The following ATE1 variants were observed in gnomAD, a reference collection of about 807,000 sequenced individuals.
The protein encoded by ATE1 is arginyltransferase 1.
Under a neutral mutation model 70.5 loss-of-function variants are expected in ATE1, and 36 were observed. That is an observed-to-expected ratio of 0.51 (90% CI 0.39 to 0.67). The LOEUF is 0.67. ATE1 is among the 30% of genes least tolerant of loss of function. The pLI is 0.00. For missense variants in ATE1, 593 were observed against 629.5 expected (o/e 0.94, Z 0.62); for synonymous variants, 232 against 219.3 (o/e 1.06, Z -0.51).
intron 11 of ATE1, among the ~76,000 whole-genome samples, chr10:121,774,909 T>C (rs1228004732): frequency 1.3e-5 from 2 of 152,306 alleles, no homozygotes; most frequent in South Asian, 2.1e-4. Flanking sequence ...AAATGCATCT[T>C]TGACTATATT....
At chr10:121,900,155 A>G (rs891624004) in intron 6 of ATE1, among the ~76,000 whole-genome samples, 161 bp from the exon 7 acceptor site, 1 of 152,228 alleles carries the variant, frequency 6.6e-6, no homozygotes, top group African/African-American at 2.4e-5. Flanking sequence ...TAAATAAAGA[A>G]AAAAGTTATT....
chr10:121,812,529 T>TC (rs1947367070), intron 10 of ATE1, among the ~76,000 whole-genome samples: 1 of 152,116 alleles, frequency 6.6e-6, no homozygotes. Context: ...TAAAAACTCT[T>TC]CCTCCCTCGA....
chr10:121,796,254 T>C (rs2133332972), intron 10 of ATE1, among the ~76,000 whole-genome samples: 1 of 152,266 alleles, frequency 6.6e-6, no homozygotes, highest in Admixed American at 6.5e-5. Context: ...CCACAGAGGA[T>C]AACATAGTTC....
chr10:121,868,854 T>G (rs1949752481), intron 8 of ATE1, among the ~76,000 whole-genome samples: 1 of 152,168 alleles, frequency 6.6e-6, no homozygotes, highest in Non-Finnish European at 1.5e-5. Context: ...TACCACACGT[T>G]TTCAATGCGC....
intron 7 of ATE1, among the ~76,000 whole-genome samples, chr10:121,897,408 T>G (rs1564939578): frequency 6.6e-6 from 1 of 152,178 alleles, no homozygotes; most frequent in Non-Finnish European, 1.5e-5. Context: ...GGAAGCTTCC[T>G]AGGCCTAGCA....
intron 5 of ATE1, among the ~76,000 whole-genome samples, chr10:121,904,772 G>C (rs1464112914): frequency 6.6e-6 from 1 of 151,634 alleles, no homozygotes; most frequent in African/African-American, 2.4e-5. Flanking sequence ...ACCTAGAGTG[G>C]TTAAAGGGCT....
At chr10:121,778,944 G>T (rs972346754) in intron 11 of ATE1, among the ~76,000 whole-genome samples, 1 of 151,988 alleles carries the variant, frequency 6.6e-6, no homozygotes, top group Non-Finnish European at 1.5e-5. Flanking sequence ...ATGTTGTCTT[G>T]GCTGCCTCAG....
chr10:121,899,791 C>A, intron 7 of ATE1, 75 bp downstream of exon 7: 3 of 1,530,886 alleles, frequency 2.0e-6, no homozygotes, highest in South Asian at 1.3e-5. Flanking sequence ...ACAAATAAAC[C>A]AAGATTTCAT....
chr10:121,923,927 A>G (rs1951979755), intron 2 of ATE1, among the ~76,000 whole-genome samples: 2 of 152,234 alleles, frequency 1.3e-5, no homozygotes, highest in South Asian at 4.1e-4. Flanking sequence ...TTGCCTATCT[A>G]TTGATAGGAT....
At chr10:121,755,790 A>G (rs1019871774) in intron 11 of ATE1, among the ~76,000 whole-genome samples, 1 of 152,170 alleles carries the variant, frequency 6.6e-6, no homozygotes, top group Non-Finnish European at 1.5e-5. Context: ...ACCCACCCCC[A>G]TAACTCACCA....
At chr10:121,758,261 A>G (rs1944889566) in intron 11 of ATE1, among the ~76,000 whole-genome samples, 1 of 152,242 alleles carries the variant, frequency 6.6e-6, no homozygotes, top group Non-Finnish European at 1.5e-5. Flanking sequence ...TTCACAGGTC[A>G]CAAAAGCTAT....
At chr10:121,791,098 T>TATATA (rs1554893365) in intron 10 of ATE1, among the ~76,000 whole-genome samples, 2 of 69,284 alleles carry the variant, frequency 2.9e-5, no homozygotes, top group African/African-American at 6.6e-5. Flanking sequence ...GTATATATAT[T>TATATA]TTTTTTTTTT....
At chr10:121,868,463 G>C (rs1039096249) in intron 8 of ATE1, among the ~76,000 whole-genome samples, 4 of 152,092 alleles carry the variant, frequency 2.6e-5, no homozygotes, top group African/African-American at 9.7e-5. Context: ...AAGTTAGAAA[G>C]TGCTTCCATA....
chr10:121,916,193 C>G (rs1349642362), intron 3 of ATE1, among the ~76,000 whole-genome samples: 3 of 152,078 alleles, frequency 2.0e-5, no homozygotes, highest in Admixed American at 6.5e-5. Context: ...CACCACTGCA[C>G]TCCAGCCTGG....
chr10:121,894,948 C>T (rs1184958732), intron 7 of ATE1, among the ~76,000 whole-genome samples: 1 of 152,012 alleles, frequency 6.6e-6, no homozygotes, highest in Non-Finnish European at 1.5e-5. Flanking sequence ...TTAGAATACA[C>T]AATTCTCCAA....
At chr10:121,838,571 G>C (rs1590442311) in intron 9 of ATE1, among the ~76,000 whole-genome samples, 2 of 151,980 alleles carry the variant, frequency 1.3e-5, no homozygotes, top group East Asian at 3.9e-4. Context: ...TGTTCTCTAC[G>C]AGGAAAGACC....
At position 121,801,506 on chromosome 10, in the gene ATE1, A is replaced by C. The variant is rs561525316; in HGVS notation, c.1258-11217T>G. Among the ~76,000 whole-genome samples, 68 of 151,976 alleles carry C rather than the reference A, an allele frequency of 4.5e-4. No individual in the cohort carries two copies. In the Middle Eastern group the frequency reaches 0.01, roughly 23 times the overall value. On this transcript the variant is annotated intron_variant, in intron 10 of 11. Transcript: ENST00000224652. The stretch of plus-strand genomic sequence containing the variant: ...ACTGAAGGGTCGTAAGTTGAAAAGG[A>C]TTTTTAAAATAAGACATAGAATGAA...
intron 11 of ATE1, among the ~76,000 whole-genome samples, chr10:121,764,685 C>T (rs1945202554): frequency 6.6e-6 from 1 of 152,062 alleles, no homozygotes; most frequent in Admixed American, 6.6e-5. Context: ...AGCCCAAAGC[C>T]TCCCTACTGA....
intron 5 of ATE1, among the ~76,000 whole-genome samples, chr10:121,905,249 T>C (rs1951143772): frequency 6.6e-6 from 1 of 152,218 alleles, no homozygotes; most frequent in Non-Finnish European, 1.5e-5. Context: ...TTAACTATTA[T>C]TATTAGCTAT....
Sources: allele counts gnomAD v4.1 joint callset (sites outside exome capture counted in the v4.1 genomes callset), GRCh38; gene constraint gnomAD v4.1.1; transcripts MANE v1.5; gene names NCBI Gene and HGNC (gene_info 2026-07-23, HGNC 2026-07-21).